Variants in ROBO2 observed in about 807,000 individuals in gnomAD.
ROBO2 encodes the protein roundabout homolog 2.
A neutral mutation model predicts 160.8 loss-of-function variants in ROBO2; 53 were observed. That is an observed-to-expected ratio of 0.33 (90% CI 0.26 to 0.41). ROBO2 has a LOEUF of 0.41. ROBO2 is among the 10% of genes least tolerant of loss of function. The pLI is 1.00. For synonymous variants in ROBO2, 664 were observed against 611.7 expected (o/e 1.09, Z -1.26); for missense variants, 1,577 against 1,722.4 (o/e 0.92, Z 1.49).
chr3:77,096,614 A>G (rs1241186407), intron 1 of ROBO2, among the ~76,000 whole-genome samples: 2 of 151,800 alleles, frequency 1.3e-5, no homozygotes, highest in East Asian at 3.9e-4. Context: ...CTGCCTGGCA[A>G]AGTTTTTACA....
chr3:76,973,407 A>C (rs558287273), intron 2 of ROBO2, among the ~76,000 whole-genome samples: 2 of 152,216 alleles, frequency 1.3e-5, no homozygotes, highest in Non-Finnish European at 2.9e-5. Flanking sequence ...AAATGCTTTG[A>C]TAAAGGAAAT....
intron 2 of ROBO2, among the ~76,000 whole-genome samples, chr3:76,203,649 C>T (rs1352569390): frequency 6.9e-6 from 1 of 145,606 alleles, no homozygotes; most frequent in African/African-American, 2.7e-5. Context: ...TTGCCTCAGG[C>T]TATCGGCTTC....
intron 2 of ROBO2, among the ~76,000 whole-genome samples, chr3:77,355,783 A>T (rs1035430459): frequency 6.6e-6 from 1 of 152,188 alleles, no homozygotes; most frequent in African/African-American, 2.4e-5. Context: ...TGAAAAAGTT[A>T]AATTTGCATA....
chr3:76,250,404 C>CTA (rs1468219759), intron 2 of ROBO2, among the ~76,000 whole-genome samples: 76 of 152,126 alleles, frequency 5.0e-4, no homozygotes, highest in African/African-American at 1.8e-3. Context: ...CATTCCTTTT[C>CTA]ATTAGAGAGC....
chr3:77,426,096 A>C (rs1342185402), intron 2 of ROBO2, among the ~76,000 whole-genome samples: 1 of 152,136 alleles, frequency 6.6e-6, no homozygotes, highest in Admixed American at 6.5e-5. Flanking sequence ...GCAAGAACGA[A>C]GCAGGAATGT....
intron 2 of ROBO2, among the ~76,000 whole-genome samples, chr3:76,929,341 C>T (rs1286391702): frequency 6.6e-6 from 1 of 152,254 alleles, no homozygotes; most frequent in African/African-American, 2.4e-5. Flanking sequence ...TAAGGAGAAA[C>T]CCCATTCTAG....
chr3:76,720,590 A>G (rs2093449699), intron 2 of ROBO2, among the ~76,000 whole-genome samples: 1 of 152,252 alleles, frequency 6.6e-6, no homozygotes, highest in African/African-American at 2.4e-5. Context: ...TTAGGCAGAA[A>G]CAAAGCAAGG....
chr3:77,171,536 A>C (rs150061893), intron 2 of ROBO2, among the ~76,000 whole-genome samples: 1 of 152,264 alleles, frequency 6.6e-6, no homozygotes, highest in Non-Finnish European at 1.5e-5. Flanking sequence ...TATTCTTTAC[A>C]GAAATAGTTA....
intron 2 of ROBO2, among the ~76,000 whole-genome samples, chr3:76,614,393 C>T (rs747964578): frequency 5.9e-5 from 9 of 152,066 alleles, no homozygotes; most frequent in East Asian, 1.9e-4. Flanking sequence ...AGAAATATAA[C>T]GAGAGAGCTT....
Position 76,898,711 on chromosome 3 carries a change from G to A in ROBO2, c.110-199303G>A, listed in dbSNP as rs550276019. Among the ~76,000 whole-genome samples the A allele has an allele frequency of 1.8e-4, 28 of 152,130 alleles. No homozygotes were observed. In the South Asian group the frequency reaches 5.6e-3, roughly 30 times the overall value. On this transcript the variant is annotated intron_variant, in intron 2 of 26. Transcript: ENST00000487694. ...TCATCAGTTCAGTTATTTTCCTTAC[G>A]TTTGAGAACAGCAAGTCTTCCTTCA...
At chr3:76,971,299 T>A (rs1259962742) in intron 2 of ROBO2, among the ~76,000 whole-genome samples, 3 of 152,180 alleles carry the variant, frequency 2.0e-5, no homozygotes, top group Admixed American at 6.6e-5. Flanking sequence ...TACAGAGAGA[T>A]GATTGTAACA....
chr3:77,194,993 G>T (rs1318233022), intron 2 of ROBO2, among the ~76,000 whole-genome samples: 1 of 152,040 alleles, frequency 6.6e-6, no homozygotes, highest in Non-Finnish European at 1.5e-5. Context: ...ATGTAATTAG[G>T]ATTTTGCATG....
chr3:77,349,131 A>G (rs1422775831), intron 2 of ROBO2, among the ~76,000 whole-genome samples: 1 of 152,110 alleles, frequency 6.6e-6, no homozygotes, highest in African/African-American at 2.4e-5. Context: ...GCTAGATGAG[A>G]GCCTTGAATA....
chr3:76,002,029 A>G (rs937272796), intron 2 of ROBO2, among the ~76,000 whole-genome samples: 2 of 152,214 alleles, frequency 1.3e-5, no homozygotes, highest in African/African-American at 2.4e-5. Flanking sequence ...TGAGTGGAAG[A>G]CAGAAATTAC....
intron 2 of ROBO2, among the ~76,000 whole-genome samples, chr3:76,622,463 T>A (rs1311532090): frequency 6.6e-6 from 1 of 152,050 alleles, no homozygotes; most frequent in East Asian, 1.9e-4. Context: ...AGACCCTGTC[T>A]CAAAAATGAA....
intron 9 of ROBO2, among the ~76,000 whole-genome samples, chr3:77,561,841 C>T (rs1368713170): frequency 6.6e-6 from 1 of 152,034 alleles, no homozygotes; most frequent in Non-Finnish European, 1.5e-5. Flanking sequence ...CGGTGGCTCA[C>T]ACTTGTAATC....
chr3:76,135,341 GA>G (rs1295498397), intron 2 of ROBO2, among the ~76,000 whole-genome samples: 1 of 152,090 alleles, frequency 6.6e-6, no homozygotes, highest in Non-Finnish European at 1.5e-5. Flanking sequence ...AACCTAGGCT[GA>G]AAACAGATCA....
At chr3:75,964,860 T>A (rs563311973) in intron 2 of ROBO2, 13 of 151,926 alleles carry the variant, frequency 8.6e-5, no homozygotes, top group African/African-American at 3.1e-4. Flanking sequence ...TGCCACCATT[T>A]ATGCATGAAT....
chr3:76,675,404 G>T (rs1560354369), intron 2 of ROBO2, among the ~76,000 whole-genome samples: 2 of 149,138 alleles, frequency 1.3e-5, no homozygotes, highest in African/African-American at 5.0e-5. Context: ...TGCTCCCTTT[G>T]AGAACAATGA....
Sources: gnomAD v4.1 joint callset for allele counts (sites outside exome capture counted in the v4.1 genomes callset) on GRCh38, gnomAD v4.1.1 for gene constraint, MANE v1.5 for transcripts, NCBI Gene and HGNC (gene_info 2026-07-23, HGNC 2026-07-21) for gene names.